Variants in PRKG1 observed in about 807,000 individuals in gnomAD.
The protein encoded by PRKG1 is cGMP-dependent protein kinase 1.
PRKG1 carries 35 observed loss-of-function variants against 88.1 expected under a neutral mutation model. That is an observed-to-expected ratio of 0.40 (90% confidence interval 0.30 to 0.53). The LOEUF is 0.53. Ranked by LOEUF, PRKG1 falls within the 20% of genes least tolerant of loss-of-function variation. The pLI, the probability that PRKG1 is intolerant of heterozygous loss-of-function variation, is 0.59. For missense variants in PRKG1, 540 were observed against 839.8 expected (o/e 0.64, Z 4.41); for synonymous variants, 303 against 292.5 (o/e 1.04, Z -0.37).
intron 3 of PRKG1, among the ~76,000 whole-genome samples, chr10:51,727,299 TA>T (rs763190766): frequency 6.6e-4 from 97 of 147,826 alleles, no homozygotes; most frequent in South Asian, 5.3e-3. Flanking sequence ...TATATATATA[TA>T]TTTTTTTTAC....
At chr10:51,463,820 C>T (rs569912297) in intron 2 of PRKG1, among the ~76,000 whole-genome samples, 3 of 152,228 alleles carry the variant, frequency 2.0e-5, no homozygotes, top group Admixed American at 2.0e-4. Flanking sequence ...CTGAAAGAGC[C>T]CTCATTAAAG....
intron 3 of PRKG1, among the ~76,000 whole-genome samples, chr10:51,782,266 G>A (rs571539759): frequency 1.1e-4 from 17 of 152,138 alleles, no homozygotes; most frequent in African/African-American, 4.1e-4. Context: ...ATGCGTTTTT[G>A]ACTTACAATA....
intron 3 of PRKG1, among the ~76,000 whole-genome samples, chr10:51,731,356 A>C (rs929361767): frequency 4.6e-5 from 7 of 152,148 alleles, no homozygotes; most frequent in African/African-American, 1.7e-4. Context: ...TAGCCCGTTA[A>C]TTCTTAAATT....
intron 3 of PRKG1, among the ~76,000 whole-genome samples, chr10:51,582,186 A>C (rs1838056329): frequency 6.6e-6 from 1 of 152,192 alleles, no homozygotes; most frequent in African/African-American, 2.4e-5. Flanking sequence ...ATGAGTAAAA[A>C]ACAATTGAAT....
Position 50,991,535 on chromosome 10 carries a change from C to T in PRKG1, c.157C>T (p.His53Tyr), listed in dbSNP as rs377518710. 6.2e-7 allele frequency: 1 copy of T among 1,610,708 alleles called. No individual in the cohort carries two copies. Among genetic ancestry groups the T allele is most frequent in the Non-Finnish European group, 8.5e-7 (1 of 1,178,824 alleles). The stretch of plus-strand genomic sequence containing the variant: ...GTCGGTGCTCCCAGTGCCCTCGACC[C>T]ACATCGGCCCCCGGACCACCCGGGC... Residue 53 changes from histidine to tyrosine, a missense_variant, in exon 1 of 18, where the codon CAC (histidine) becomes TAC (tyrosine). By Grantham distance (83) the His-to-Tyr change is moderately conservative. Coordinates refer to the PRKG1 transcript ENST00000401604. This position sits in a 1 kb window ranked among gnomAD's most constrained non-coding sequence, Gnocchi z 4.5.
At chr10:51,125,519 C>CT (rs1845373323) in intron 1 of PRKG1, among the ~76,000 whole-genome samples, 1 of 149,646 alleles carries the variant, frequency 6.7e-6, no homozygotes, top group Admixed American at 6.7e-5. Context: ...CCTGTCTCTA[C>CT]AGAAATACAA....
intron 14 of PRKG1, among the ~76,000 whole-genome samples, chr10:52,285,820 CT>C (rs1842105414): frequency 6.6e-6 from 1 of 151,600 alleles, no homozygotes; most frequent in Non-Finnish European, 1.5e-5. Flanking sequence ...GAAAGTCATG[CT>C]GTAAGTAAGA....
At chr10:52,274,109 T>C (rs1841804650) in intron 12 of PRKG1, among the ~76,000 whole-genome samples, 1 of 152,034 alleles carries the variant, frequency 6.6e-6, no homozygotes, top group Non-Finnish European at 1.5e-5. Flanking sequence ...AGCCCAGCTA[T>C]CCCTCTTATA....
chr10:51,342,267 G>A (rs912911654), intron 2 of PRKG1, among the ~76,000 whole-genome samples: 5 of 152,106 alleles, frequency 3.3e-5, no homozygotes, highest in South Asian at 2.1e-4. Flanking sequence ...GTACAACAGC[G>A]GGTAATTGGG....
At chr10:52,062,721 T>C (rs1589570276) in intron 7 of PRKG1, 90 bp downstream of exon 7, 2 of 872,418 alleles carry the variant, frequency 2.3e-6, no homozygotes, top group African/African-American at 1.7e-5. Flanking sequence ...ATAGGCTTTT[T>C]ATTTAGTGCT....
intron 5 of PRKG1, among the ~76,000 whole-genome samples, chr10:52,041,605 T>A (rs867993191): frequency 3.3e-5 from 5 of 152,332 alleles, no homozygotes; most frequent in African/African-American, 9.6e-5. Flanking sequence ...TCAGGTCCCA[T>A]GCTTTTCTTA....
chr10:51,019,660 T>TA (rs1332789286), intron 1 of PRKG1, among the ~76,000 whole-genome samples: 6 of 151,296 alleles, frequency 4.0e-5, no homozygotes, highest in African/African-American at 9.7e-5. Flanking sequence ...TCATGAAAAT[T>TA]AAAAAAAATT....
At chr10:52,033,762 C>T (rs921912929) in intron 5 of PRKG1, among the ~76,000 whole-genome samples, 3 of 152,042 alleles carry the variant, frequency 2.0e-5, no homozygotes, top group South Asian at 2.1e-4. Context: ...AAATTTCATG[C>T]ACGTCCGTGT....
intron 2 of PRKG1, among the ~76,000 whole-genome samples, chr10:51,345,714 G>A (rs543018998): frequency 9.9e-5 from 15 of 152,128 alleles, no homozygotes; most frequent in Non-Finnish European, 1.5e-4. Flanking sequence ...TCAAGTCCTG[G>A]ATTTTTATTT....
chr10:51,790,023 G>A (rs1261981505), intron 3 of PRKG1, among the ~76,000 whole-genome samples: 4 of 151,892 alleles, frequency 2.6e-5, no homozygotes, highest in Non-Finnish European at 5.9e-5. Flanking sequence ...GAGTTTCACC[G>A]TGTTGGCCAG....
At chr10:52,111,307 A>G (rs187874043) in intron 7 of PRKG1, among the ~76,000 whole-genome samples, 1 of 152,358 alleles carries the variant, frequency 6.6e-6, no homozygotes, top group Admixed American at 6.5e-5. Flanking sequence ...TGCCTAGCAC[A>G]TACTAAATAC....
rs557481257 is a variant in PRKG1 at position 51,061,345 on chromosome 10, C to T, written c.266+69701C>T. Among the ~76,000 whole-genome samples, 30 of 152,190 alleles carry T rather than the reference C, an allele frequency of 2.0e-4. No individual in the cohort carries two copies. The South Asian group carries it at 5.6e-3, about 28-fold the overall frequency. ...AGAATAGCACGGGAAAAACCTACCC[C>T]CATGAGTCAATTACCTCCTACCAGG... On this transcript the variant is annotated intron_variant, in intron 1 of 17. Coordinates refer to the PRKG1 transcript ENST00000401604.
At chr10:51,766,146 A>G (rs1838156238) in intron 3 of PRKG1, among the ~76,000 whole-genome samples, 1 of 152,154 alleles carries the variant, frequency 6.6e-6, no homozygotes. Context: ...AGGTTACAGC[A>G]AAAGTTTAAT....
rs763818075 is a variant in PRKG1, at chr10:52,290,322, A to C, written c.1962+32A>C. On this transcript the variant is annotated intron_variant, in intron 17 of 17. Transcript: ENST00000373980. ...AGACTTTCCAGCTTATAATTGTGTG[A>C]CATAATTGATGGTGTTTATGTCAGT... 8 of 1,522,990 alleles carry C rather than the reference A, an allele frequency of 5.3e-6. No individual in the cohort carries two copies. The East Asian group carries it at 1.8e-4, about 34-fold the overall frequency. 94.3% of individuals were successfully genotyped at this position (1,522,990 alleles called of 1,614,324 possible). A position where few individuals can be genotyped will look rare whatever the true frequency, so the allele number is the denominator to read the frequency against.
Sources: allele counts gnomAD v4.1 joint callset (sites outside exome capture counted in the v4.1 genomes callset), GRCh38; gene constraint gnomAD v4.1.1; non-coding constraint Gnocchi (gnomAD v3.1); transcripts MANE v1.5; gene names NCBI Gene and HGNC (gene_info 2026-07-23, HGNC 2026-07-21).